The following LRRC4C variants were observed in gnomAD, a reference collection of about 807,000 sequenced individuals.
LRRC4C encodes the protein leucine-rich repeat-containing protein 4C.
A neutral mutation model predicts 33.6 loss-of-function variants in LRRC4C; 5 were observed. The observed-to-expected ratio is 0.15, with a 90% confidence interval of 0.08 to 0.31. The LOEUF (loss-of-function observed/expected upper bound fraction) is 0.31, where lower values mean the gene tolerates loss of function less well. Ranked by LOEUF, LRRC4C falls within the 10% of genes least tolerant of loss-of-function variation. The probability of loss-of-function intolerance (pLI) is 1.00; values close to 1 mark genes in which losing one functional copy is unlikely to be tolerated. For missense variants in LRRC4C, 560 were observed against 796.7 expected (o/e 0.70, Z 3.58); for synonymous variants, 329 against 302.0 (o/e 1.09, Z -0.93).
intron 2 of LRRC4C, among the ~76,000 whole-genome samples, chr11:40,712,708 A>C (rs1946526883): frequency 6.6e-6 from 1 of 152,148 alleles, no homozygotes; most frequent in Non-Finnish European, 1.5e-5. Context: ...CCACCTTAAA[A>C]AACCTTTACA....
intron 1 of LRRC4C, among the ~76,000 whole-genome samples, chr11:41,079,045 T>G (rs1234898579): frequency 1.3e-5 from 2 of 152,190 alleles, no homozygotes; most frequent in African/African-American, 4.8e-5. Flanking sequence ...TGTCTCTTAT[T>G]CTCAAAACCC....
chr11:40,302,221 T>C (rs1944808925), intron 4 of LRRC4C, among the ~76,000 whole-genome samples: 1 of 152,206 alleles, frequency 6.6e-6, no homozygotes, highest in Non-Finnish European at 1.5e-5. Context: ...TGACATTTTA[T>C]CACAACCTTC....
At chr11:41,086,736 G>C (rs994725826) in intron 1 of LRRC4C, among the ~76,000 whole-genome samples, 1 of 152,076 alleles carries the variant, frequency 6.6e-6, no homozygotes, top group Non-Finnish European at 1.5e-5. Flanking sequence ...CTGCTATGGT[G>C]ACTTCCATCC....
At chr11:40,167,343 G>A (rs1271099878) in intron 5 of LRRC4C, among the ~76,000 whole-genome samples, 2 of 152,158 alleles carry the variant, frequency 1.3e-5, no homozygotes, top group African/African-American at 4.8e-5. Context: ...CATTTGCATA[G>A]TCTCAAAATA....
At chr11:40,339,138 T>A (rs1946757327) in intron 3 of LRRC4C, among the ~76,000 whole-genome samples, 1 of 152,196 alleles carries the variant, frequency 6.6e-6, no homozygotes, top group Admixed American at 6.5e-5. Flanking sequence ...TATCTAACTC[T>A]GCAGGAGTTG....
At chr11:40,942,724 G>A (rs962904990) in intron 1 of LRRC4C, among the ~76,000 whole-genome samples, 5 of 151,728 alleles carry the variant, frequency 3.3e-5, no homozygotes, top group African/African-American at 1.2e-4. Flanking sequence ...TGTGAGATCT[G>A]CACTGCAGAA....
At chr11:41,431,702 C>A (rs75675591) in intron 1 of LRRC4C, among the ~76,000 whole-genome samples, 7,079 of 152,008 alleles carry the variant, frequency 0.047, 223 homozygotes, top group East Asian at 0.13. Flanking sequence ...TTATTCAGAG[C>A]TTCTCTTGAG....
In LRRC4C at chr11:40,114,425, T is replaced by C; in HGVS notation, c.1868A>G (p.Glu623Gly). ...AGAGTTCATTCGGATCAATAACGGT[T>C]CATGCACTGAACTGTGTATTGAATT... The part of the protein sequence containing the change: ...TINSIHSSVH[E>G]PLLIRMNSKD... The change falls in exon 7 of 7, where the codon GAA becomes GGA. Residue 623 changes from glutamate to glycine, a missense_variant. Coordinates refer to ENST00000528697, the MANE Select transcript of LRRC4C (RefSeq NM_001258419.2). 6.2e-7 allele frequency: 1 copy of C among 1,614,136 alleles called. No homozygotes were observed. The highest frequency in any genetic ancestry group is 8.5e-7 in the Non-Finnish European group (1 of 1,180,000).
intron 6 of LRRC4C, among the ~76,000 whole-genome samples, chr11:40,129,225 T>A (rs1282577268): frequency 1.3e-5 from 2 of 152,142 alleles, no homozygotes; most frequent in African/African-American, 4.8e-5. Context: ...TAGAACCCCA[T>A]TCACATAGCA....
At chr11:41,452,334 C>T (rs1361417239) in intron 1 of LRRC4C, among the ~76,000 whole-genome samples, 1 of 152,080 alleles carries the variant, frequency 6.6e-6, no homozygotes, top group Non-Finnish European at 1.5e-5. Flanking sequence ...AAATATTCAA[C>T]ATGCTAATGT....
intron 1 of LRRC4C, among the ~76,000 whole-genome samples, chr11:41,126,672 C>T (rs531728006): frequency 5.9e-5 from 9 of 151,938 alleles, no homozygotes; most frequent in African/African-American, 1.2e-4. Flanking sequence ...TCAACAAACA[C>T]GAAACAAGCA....
At chr11:40,694,463 T>C (rs545605978) in intron 2 of LRRC4C, among the ~76,000 whole-genome samples, 60 of 152,186 alleles carry the variant, frequency 3.9e-4, no homozygotes, top group Admixed American at 5.2e-4. Context: ...AGTCCACCAA[T>C]GAGTATAATT....
chr11:40,755,703 C>T (rs1948916841), intron 2 of LRRC4C, among the ~76,000 whole-genome samples: 1 of 152,070 alleles, frequency 6.6e-6, no homozygotes, highest in Non-Finnish European at 1.5e-5. Context: ...AACAAGAAAT[C>T]TTCCAGTCCA....
At chr11:41,401,955 G>C (rs1053737994) in intron 1 of LRRC4C, among the ~76,000 whole-genome samples, 9 of 151,914 alleles carry the variant, frequency 5.9e-5, no homozygotes, top group African/African-American at 2.2e-4. Context: ...TGTCAGAACT[G>C]CCTCATTTAT....
chr11:40,780,689 T>G (rs1950177635), intron 2 of LRRC4C, among the ~76,000 whole-genome samples: 1 of 152,074 alleles, frequency 6.6e-6, no homozygotes, highest in South Asian at 2.1e-4. Context: ...GAAAGTATCC[T>G]TTGAAACTGA....
At chr11:40,893,042 C>CA (rs1322106560) in intron 2 of LRRC4C, among the ~76,000 whole-genome samples, 4 of 151,086 alleles carry the variant, frequency 2.6e-5, no homozygotes, top group Admixed American at 6.6e-5. Flanking sequence ...ATAACTCCTA[C>CA]AAAAAAAATA....
chr11:40,559,526 A>G (rs1450590662), intron 3 of LRRC4C, among the ~76,000 whole-genome samples: 3 of 152,066 alleles, frequency 2.0e-5, no homozygotes, highest in Admixed American at 2.0e-4. Flanking sequence ...TCCTCTGGGT[A>G]TCTACCTAGT....
At chr11:41,067,810 G>T (rs1469741905) in intron 1 of LRRC4C, among the ~76,000 whole-genome samples, 1 of 152,166 alleles carries the variant, frequency 6.6e-6, no homozygotes, top group Non-Finnish European at 1.5e-5. Context: ...TGACTTGGGG[G>T]TAAATAAGGA....
intron 1 of LRRC4C, among the ~76,000 whole-genome samples, chr11:41,390,637 C>T (rs1417440684): frequency 1.3e-5 from 2 of 151,928 alleles, no homozygotes; most frequent in Non-Finnish European, 2.9e-5. Flanking sequence ...TCAAATTCAT[C>T]ATCATGTCCT....
Sources: gnomAD v4.1 joint callset for allele counts (sites outside exome capture counted in the v4.1 genomes callset) on GRCh38, gnomAD v4.1.1 for gene constraint, MANE v1.5 for transcripts, NCBI Gene and HGNC (gene_info 2026-07-23, HGNC 2026-07-21) for gene names.